KLHDC7B: variants seen among roughly 807,000 people sequenced by gnomAD.
KLHDC7B encodes kelch domain containing 7B, also known as kelch domain-containing protein 7B.
A neutral mutation model predicts 0.6 loss-of-function variants in KLHDC7B; 1 was observed. The observed-to-expected ratio is 1.71, with a 90% CI of 0.61 to 8.11. The LOEUF is 8.11. Ranked by LOEUF, KLHDC7B falls within the 30% of genes most tolerant of loss-of-function variation. The probability of loss-of-function intolerance (pLI) is 0.13; values close to 1 mark genes in which losing one functional copy is unlikely to be tolerated. For synonymous variants in KLHDC7B, 462 were observed against 405.2 expected, an observed-to-expected ratio of 1.14 and a Z score of -1.68; for missense variants, 993 against 894.9, an observed-to-expected ratio of 1.11 and a Z score of -1.40.
In KLHDC7B at chr22:50,548,746, G is replaced by T. The variant is rs116500907; in HGVS notation, c.2503G>T (p.Val835Leu). The change falls in exon 1 of 1, where the codon GTG (valine) becomes TTG (leucine). Residue 835 changes from valine to leucine, a missense_variant. Val to Leu is a conservative substitution (Grantham distance 32). Transcript: ENST00000648057. The surrounding 1 kb of genome is among the most constrained non-coding windows in gnomAD (Gnocchi z 5.3). ...VFLQRPGGWG[V>L]VEGPRKPSSR... ...TCTGCAGAGGCCCGGGGGTTGGGGG[G>T]TGGTGGAGGGGCCCCGGAAGCCCAG... The T allele has an allele frequency of 0.034, 49,964 of 1,458,234 alleles. 1,068 individuals are homozygous for T. Among genetic ancestry groups the T allele is most frequent in the African/African-American group, 0.086 (5,771 of 67,344 alleles). The allele number at this position is 1,458,234 out of a possible 1,614,324, so 90.3% of individuals were successfully genotyped here. A position where few individuals can be genotyped will look rare whatever the true frequency, so the allele number is the denominator to read the frequency against.
Position 50,549,454 on chromosome 22 carries a change from C to G in KLHDC7B, c.3211C>G (p.Pro1071Ala). Residue 1071 changes from proline (P) to alanine (A), a missense_variant, in exon 1 of 1, where the codon CCA becomes GCA. Physicochemically the swap from Pro to Ala is conservative, Grantham distance 27. Transcript: ENST00000648057. Reference sequence around the variant, plus strand: ...CGACCCGCGAACAGACGCCTGGACCCCACGCGCGCCACTCCCCGCAGGCAC... The same window carrying G: ...CGACCCGCGAACAGACGCCTGGACCGCACGCGCGCCACTCCCCGCAGGCAC... Reference protein sequence around the residue: ...CYDPRTDAWTPRAPLPAGTFP... With the variant: ...CYDPRTDAWTARAPLPAGTFP... 1 of 1,612,644 alleles carries G rather than the reference C, an allele frequency of 6.2e-7. No homozygotes were observed. Among genetic ancestry groups the G allele is most frequent in the African/African-American group, 1.3e-5 (1 of 75,058 alleles).
At position 50,549,613 on chromosome 22, in the gene KLHDC7B, C is replaced by A; in HGVS notation, c.3370C>A (p.Arg1124=). The A allele has an allele frequency of 1.5e-5, 24 of 1,558,836 alleles. No homozygotes were observed. Among genetic ancestry groups the A allele is most frequent in the Non-Finnish European group, 2.1e-5 (24 of 1,149,028 alleles). ...CGAGTGCCCATACAGTGCCAGCCAC[C>A]GGCGTTCCAGCGACATCGTGGCACT... is the stretch of plus-strand genomic sequence containing the variant. ...WDECPYSASH[R]RSSDIVALGG... The change falls in exon 1 of 1, where the codon CGG becomes AGG. Residue 1124 remains arginine (R), a synonymous_variant. Coordinates refer to ENST00000648057, the MANE Select transcript of KLHDC7B (RefSeq NM_138433.5).
Position 50,548,205 on chromosome 22 carries a change from G to T in KLHDC7B, c.1962G>T (p.Arg654Ser). ...LRSHPFPRQDRPQGSVPRAVP... is the reference protein window; with the variant it reads ...LRSHPFPRQDSPQGSVPRAVP... ...GCCACCCCTTCCCCAGGCAAGACAG[G>T]CCCCAAGGGAGTGTCCCGAGGGCGG... The change falls in exon 1 of 1, where the codon AGG (arginine) becomes AGT (serine). Residue 654 changes from arginine (R) to serine (S), a missense_variant. Transcript: ENST00000648057. This position sits in a 1 kb window ranked among gnomAD's most constrained non-coding sequence, Gnocchi z 5.3. 6.5e-7 allele frequency: 1 copy of T among 1,541,498 alleles called. No individual in the cohort carries two copies. The highest frequency in any genetic ancestry group is 8.8e-7 in the Non-Finnish European group (1 of 1,140,136).
Position 50,551,022 on chromosome 22 carries a change from C to T in KLHDC7B, c.*1071C>T. 1 of 529,184 alleles carries T rather than the reference C, an allele frequency of 1.9e-6. No homozygotes were observed. The highest frequency in any genetic ancestry group is 3.1e-5 in the South Asian group (1 of 32,358). The allele number at this position is 529,184 out of a possible 1,614,324, so 32.8% of individuals were successfully genotyped here. ...CAAATACATTTTAATTCACCGAAAG[C>T]ACCTGCAGCTTGCACTTGTTGTGTT... On this transcript the variant is annotated 3_prime_UTR_variant, in exon 1 of 1. Transcript: ENST00000648057.
chr22:50,548,703 C>T lies in KLHDC7B; in HGVS notation c.2460C>T (p.Ala820=), dbSNP rs1435287115. 3 of 1,515,464 alleles carry T rather than the reference C, an allele frequency of 2.0e-6. No individual in the cohort carries two copies. The highest frequency in any genetic ancestry group is 2.1e-5 in the Admixed American group (1 of 46,646). 93.9% of individuals were successfully genotyped at this position (1,515,464 alleles called of 1,614,324 possible). A position where few individuals can be genotyped will look rare whatever the true frequency, so the allele number is the denominator to read the frequency against. ...CGCTCACGGAAAAGCAGGAGGAGGCCCGGAAGCTCATGGTGTTTCTGCAGA... is the reference window on the plus strand; with the variant it reads ...CGCTCACGGAAAAGCAGGAGGAGGCTCGGAAGCTCATGGTGTTTCTGCAGA... ...SGALTEKQEE[A]RKLMVFLQRP... is the part of the protein sequence containing the mutation. The change falls in exon 1 of 1, where the codon GCC becomes GCT. Residue 820 remains alanine (A), a synonymous_variant. Coordinates refer to ENST00000648057, the MANE Select transcript of KLHDC7B (RefSeq NM_138433.5). This position sits in a 1 kb window ranked among gnomAD's most constrained non-coding sequence, Gnocchi z 5.3.
chr22:50,548,656 A>G lies in KLHDC7B; in HGVS notation c.2413A>G (p.Ser805Gly). 6.6e-7 allele frequency: 1 copy of G among 1,523,204 alleles called. No homozygotes were observed. Among genetic ancestry groups the G allele is most frequent in the South Asian group, 1.2e-5 (1 of 81,978 alleles). The allele number at this position is 1,523,204 out of a possible 1,614,324, so 94.4% of individuals were successfully genotyped here. ...AGGGGAGGCGCCGGGGGAGGGGGGC[A>G]GCCCTGCCGGCCGCAGCGGGGCGCT... ...PQGEAPGEGG[S>G]PAGRSGALTE... The change falls in exon 1 of 1, where the codon AGC (serine) becomes GGC (glycine). Residue 805 changes from serine (S) to glycine (G), a missense_variant. Coordinates refer to ENST00000648057, the MANE Select transcript of KLHDC7B (RefSeq NM_138433.5). The surrounding 1 kb of genome is among the most constrained non-coding windows in gnomAD (Gnocchi z 5.3).
chr22:50,548,520 C>T lies in KLHDC7B; in HGVS notation c.2277C>T (p.Ser759=). ...PAQRPPGPAA[S]SSARRSQPVP... The stretch of plus-strand genomic sequence containing the variant: ...AGAGGCCGCCTGGCCCCGCGGCCTC[C>T]TCCTCTGCGAGGCGCTCACAGCCGG... The change falls in exon 1 of 1, where the codon TCC becomes TCT. Residue 759 remains serine, a synonymous_variant. Transcript: ENST00000648057. The surrounding 1 kb of genome is among the most constrained non-coding windows in gnomAD (Gnocchi z 5.3). 6.4e-7 allele frequency: 1 copy of T among 1,554,754 alleles called. No individual in the cohort carries two copies.
At position 50,546,274 on chromosome 22, in the gene KLHDC7B, C is replaced by A. The variant is rs758806712; in HGVS notation, c.31C>A (p.Pro11Thr). Residue 11 changes from proline to threonine, a missense_variant, in exon 1 of 1, where the codon CCC becomes ACC. Transcript: ENST00000648057. MIQGTLEPDG[P>T]LWGWDWDSDN... is the part of the protein sequence containing the mutation. ...CCAGGGCACCTTGGAGCCAGATGGT[C>A]CCCTCTGGGGCTGGGACTGGGACAG... The A allele has an allele frequency of 1.8e-5, 7 of 397,770 alleles. No homozygotes were observed. The highest frequency in any genetic ancestry group is 2.7e-5 in the Non-Finnish European group (6 of 225,824). The allele number at this position is 397,770 out of a possible 1,614,324, so 24.6% of individuals were successfully genotyped here.
rs1318318001 is a variant in KLHDC7B at position 50,549,726 on chromosome 22, G to A, written c.3483G>A (p.Arg1161=). The A allele has an allele frequency of 1.9e-6, 3 of 1,590,254 alleles. No individual in the cohort carries two copies. Among genetic ancestry groups the A allele is most frequent in the Non-Finnish European group, 2.6e-6 (3 of 1,170,060 alleles). The change falls in exon 1 of 1, where the codon AGG becomes AGA. Residue 1161 remains arginine, a synonymous_variant. Transcript: ENST00000648057. ...RYNTVTGSWS[R]AASLPLPAPA... ...ACACAGTGACCGGCTCCTGGAGCAG[G>A]GCTGCCTCCCTGCCCCTGCCCGCCC...
Position 50,548,585 on chromosome 22 carries a change from C to G in KLHDC7B, c.2342C>G (p.Pro781Arg), listed in dbSNP as rs894582758. The stretch of plus-strand genomic sequence containing the variant: ...AAACGCAGCAGGTGCGAAATCGCCC[C>G]GAGCTCGGAGCAGGAGGTCAGGCCG... ...LRKRSRCEIAPSSEQEVRPAA... is the reference protein window; with the variant it reads ...LRKRSRCEIARSSEQEVRPAA... The change falls in exon 1 of 1, where the codon CCG (proline) becomes CGG (arginine). Residue 781 changes from proline (P) to arginine (R), a missense_variant. Pro to Arg is a moderately radical substitution (Grantham distance 103). Transcript: ENST00000648057. This position sits in a 1 kb window ranked among gnomAD's most constrained non-coding sequence, Gnocchi z 5.3. 3 of 1,546,476 alleles carry G rather than the reference C, an allele frequency of 1.9e-6. No individual in the cohort carries two copies. Among genetic ancestry groups the G allele is most frequent in the Non-Finnish European group, 1.7e-6 (2 of 1,146,802 alleles).
chr22:50,548,463 G>A lies in KLHDC7B; in HGVS notation c.2220G>A (p.Ala740=), dbSNP rs771839566. The A allele has an allele frequency of 2.2e-4, 345 of 1,579,248 alleles. No homozygotes were observed. The highest frequency in any genetic ancestry group is 2.8e-4 in the Admixed American group (15 of 54,134). The part of the protein sequence containing the change: ...EKSLDPLPQA[A]MPRGPAQPPA... ...GTCTAGACCCGCTGCCCCAAGCCGCGATGCCCAGGGGCCCCGCACAGCCCC... is the reference window on the plus strand; with the variant it reads ...GTCTAGACCCGCTGCCCCAAGCCGCAATGCCCAGGGGCCCCGCACAGCCCC... Residue 740 remains alanine, a synonymous_variant, in exon 1 of 1, where the codon GCG becomes GCA. Transcript: ENST00000648057. This position sits in a 1 kb window ranked among gnomAD's most constrained non-coding sequence, Gnocchi z 5.3.
In KLHDC7B at chr22:50,549,462, G is replaced by A. The variant is rs2148696116; in HGVS notation, c.3219G>A (p.Ala1073=). The stretch of plus-strand genomic sequence containing the variant: ...GAACAGACGCCTGGACCCCACGCGC[G>A]CCACTCCCCGCAGGCACCTTCCCTG... ...DPRTDAWTPR[A]PLPAGTFPVA... Residue 1073 remains alanine (A), a synonymous_variant, in exon 1 of 1, where the codon GCG becomes GCA. Coordinates refer to ENST00000648057, the MANE Select transcript of KLHDC7B (RefSeq NM_138433.5). 1 of 1,612,478 alleles carries A rather than the reference G, an allele frequency of 6.2e-7. No homozygotes were observed. Among genetic ancestry groups the A allele is most frequent in the Non-Finnish European group, 8.5e-7 (1 of 1,179,884 alleles).
rs2069766257 is a variant in KLHDC7B at position 50,548,813 on chromosome 22, G to GCCCT, written c.647_648insCCCT (p.Arg217ProfsTer372). ...CCCGCCACGGCGGCAGCCCTGCGGC[G>GCCCT]GCGGCTGGACCTGGGCAGTTGCCTG... On this transcript the variant is annotated frameshift_variant, in exon 1 of 1. Transcript: ENST00000395676. LOFTEE classifies it low-confidence loss of function (END_TRUNC). The surrounding 1 kb of genome is among the most constrained non-coding windows in gnomAD (Gnocchi z 5.3). 1 of 1,484,990 alleles carries GCCCT rather than the reference G, an allele frequency of 6.7e-7. No individual in the cohort carries two copies. The highest frequency in any genetic ancestry group is 1.5e-5 in the African/African-American group (1 of 68,262). 92.0% of individuals were successfully genotyped at this position (1,484,990 alleles called of 1,614,324 possible). A position where few individuals can be genotyped will look rare whatever the true frequency, so the allele number is the denominator to read the frequency against.
At position 50,548,207 on chromosome 22, in the gene KLHDC7B, C is replaced by T. The variant is rs1424321494; in HGVS notation, c.1964C>T (p.Pro655Leu). Residue 655 changes from proline (P) to leucine (L), a missense_variant, in exon 1 of 1, where the codon CCC (proline) becomes CTC (leucine). Pro to Leu is a moderately conservative substitution (Grantham distance 98, BLOSUM62 -3). Coordinates refer to ENST00000648057, the MANE Select transcript of KLHDC7B (RefSeq NM_138433.5). This position sits in a 1 kb window ranked among gnomAD's most constrained non-coding sequence, Gnocchi z 5.3. ...CACCCCTTCCCCAGGCAAGACAGGC[C>T]CCAAGGGAGTGTCCCGAGGGCGGTT... ...RSHPFPRQDRPQGSVPRAVPG... is the reference protein window; with the variant it reads ...RSHPFPRQDRLQGSVPRAVPG... 1 of 1,547,058 alleles carries T rather than the reference C, an allele frequency of 6.5e-7. No individual in the cohort carries two copies. The highest frequency in any genetic ancestry group is 2.5e-5 in the East Asian group (1 of 40,802).
At chr22:50,547,505 C>CCCCG (rs2069744934), upstream of KLHDC7B, 1 of 396,470 alleles carries the variant, frequency 2.5e-6, no homozygotes, top group Admixed American at 4.4e-5. Flanking sequence ...CGCTCCGCCT[C>CCCCG]CCCGCCCGCA....
Position 50,546,863 on chromosome 22 carries a change from G to A in KLHDC7B, c.620G>A (p.Gly207Glu), listed in dbSNP as rs543498269. Among the ~76,000 whole-genome samples the A allele has an allele frequency of 2.7e-3, 416 of 152,158 alleles. 1 individual carries two copies. The highest frequency in any genetic ancestry group is 6.8e-3 in the Middle Eastern group (2 of 294). ...TCTCGCCAGGCCGCAGGCCCCGCGGGGCAACAGGACACTGGCCCCTGGCAG... is the reference window on the plus strand; with the variant it reads ...TCTCGCCAGGCCGCAGGCCCCGCGGAGCAACAGGACACTGGCCCCTGGCAG... ...ASSRQAAGPA[G>E]QQDTGPWQAG... The change falls in exon 1 of 1, where the codon GGG (glycine) becomes GAG (glutamate). Residue 207 changes from glycine to glutamate, a missense_variant. Coordinates refer to ENST00000648057, the MANE Select transcript of KLHDC7B (RefSeq NM_138433.5).
chr22:50,548,928 G>A lies in KLHDC7B; in HGVS notation c.2685G>A (p.Leu895=). ...ALMSDNLLRV[L]GDPCLYRRLS... is the part of the protein sequence containing the mutation. ...TGAGCGACAACCTGCTGCGAGTGCT[G>A]GGAGACCCGTGCCTCTACCGCCGGC... The change falls in exon 1 of 1, where the codon CTG becomes CTA. Residue 895 remains leucine (L), a synonymous_variant. Transcript: ENST00000648057. The surrounding 1 kb of genome is among the most constrained non-coding windows in gnomAD (Gnocchi z 5.3). The A allele has an allele frequency of 6.3e-7, 1 of 1,597,238 alleles. No individual in the cohort carries two copies. Among genetic ancestry groups the A allele is most frequent in the Middle Eastern group, 1.7e-4 (1 of 5,884 alleles).
At position 50,550,151 on chromosome 22, in the gene KLHDC7B, C is replaced by T; in HGVS notation, c.*200C>T. The T allele has an allele frequency of 1.8e-6, 1 of 555,858 alleles. No homozygotes were observed. Among genetic ancestry groups the T allele is most frequent in the Non-Finnish European group, 3.2e-6 (1 of 314,974 alleles). The allele number at this position is 555,858 out of a possible 1,614,324, so 34.4% of individuals were successfully genotyped here. On this transcript the variant is annotated 3_prime_UTR_variant, in exon 1 of 1. Coordinates refer to ENST00000648057, the MANE Select transcript of KLHDC7B (RefSeq NM_138433.5). ...CTCAGCCTCTTTCTGCCCCTCACTC[C>T]ACACCCAGACTGTTTCCTGACTCAA...
In KLHDC7B at chr22:50,546,993, G is replaced by A. The variant is rs886814197; in HGVS notation, c.750G>A (p.Pro250=). Residue 250 remains proline (P), a synonymous_variant, in exon 1 of 1, where the codon CCG becomes CCA. Coordinates refer to ENST00000648057, the MANE Select transcript of KLHDC7B (RefSeq NM_138433.5). The part of the protein sequence containing the change: ...DRARRPRKLD[P]LRLGAAGSVW... ...CCCGCCGCCCCCGGAAACTGGACCC[G>A]CTCCGCCTGGGCGCCGCGGGGAGCG... is the stretch of plus-strand genomic sequence containing the variant. Among the ~76,000 whole-genome samples, 2 of 151,580 alleles carry A rather than the reference G, an allele frequency of 1.3e-5. No homozygotes were observed. Among genetic ancestry groups the A allele is most frequent in the African/African-American group, 4.8e-5 (2 of 41,448 alleles).
Sources: gnomAD v4.1 joint callset for allele counts (sites outside exome capture counted in the v4.1 genomes callset) on GRCh38, gnomAD v4.1.1 for gene constraint, Gnocchi (gnomAD v3.1) non-coding constraint, MANE v1.5 for transcripts, NCBI Gene and HGNC (gene_info 2026-07-23, HGNC 2026-07-21) for gene names.